FKBP5: variants seen among roughly 807,000 people sequenced by gnomAD.
The protein encoded by FKBP5 is peptidyl-prolyl cis-trans isomerase FKBP5.
In FKBP5, 23 loss-of-function variants were observed where a neutral mutation model predicts 50.5. That is an observed-to-expected ratio of 0.46 (90% CI 0.33 to 0.65). The LOEUF (loss-of-function observed/expected upper bound fraction) is 0.65. FKBP5 is among the 30% of genes least tolerant of loss of function. The probability of loss-of-function intolerance (pLI) is 0.02; values close to 1 mark genes in which losing one functional copy is unlikely to be tolerated. For synonymous variants in FKBP5, 176 were observed against 190.6 expected (o/e 0.92, Z 0.63); for missense variants, 411 against 553.1 (o/e 0.74, Z 2.58).
chr6:35,704,277 A>G (rs1413385994), intron 2 of FKBP5, among the ~76,000 whole-genome samples: 1 of 152,216 alleles, frequency 6.6e-6, no homozygotes, highest in Admixed American at 6.5e-5. Flanking sequence ...CAAGTAATTG[A>G]GAGCCCAGAG....
At chr6:35,685,558 G>A (rs1233614472) in intron 1 of FKBP5, among the ~76,000 whole-genome samples, 2 of 152,126 alleles carry the variant, frequency 1.3e-5, no homozygotes, top group African/African-American at 4.8e-5. Context: ...TGTTAAACAT[G>A]AATTACAAAA....
At chr6:35,637,785 T>C (rs1383332137) in intron 2 of FKBP5, among the ~76,000 whole-genome samples, 1 of 152,142 alleles carries the variant, frequency 6.6e-6, no homozygotes, top group Non-Finnish European at 1.5e-5. Context: ...CACAGGCTTG[T>C]GAGCTAGTCC....
intron 1 of FKBP5, among the ~76,000 whole-genome samples, chr6:35,685,147 T>C (rs1024487017): frequency 3.9e-5 from 6 of 152,186 alleles, no homozygotes; most frequent in African/African-American, 1.2e-4. Context: ...TTATTTTGAG[T>C]AGTGGAATTT....
chr6:35,721,277 G>A (rs1226757598), intron 1 of FKBP5, among the ~76,000 whole-genome samples: 1 of 151,804 alleles, frequency 6.6e-6, no homozygotes, highest in Non-Finnish European at 1.5e-5. Flanking sequence ...GCTTGAACTC[G>A]AGAGGTGGAG....
intron 5 of FKBP5, among the ~76,000 whole-genome samples, chr6:35,616,776 A>G (rs2150975838): frequency 6.6e-6 from 1 of 152,292 alleles, no homozygotes; most frequent in South Asian, 2.1e-4. Context: ...TACTGAATCT[A>G]GGGTGTGCCT....
chr6:35,581,253 TATATAA>T (rs1027751310), intron 8 of FKBP5: 29 of 603,460 alleles, frequency 4.8e-5, no homozygotes, highest in African/African-American at 3.4e-4. Flanking sequence ...ATATATAATA[TATATAA>T]ATATAAACAT....
intron 7 of FKBP5, 43 bp from the exon 8 acceptor site, chr6:35,587,160 A>G (rs1291079334): frequency 1.3e-6 from 2 of 1,567,934 alleles, no homozygotes; most frequent in Non-Finnish European, 1.8e-6. Flanking sequence ...ACAGAGAGAA[A>G]AGCATCAGTT....
chr6:35,674,494 C>T (rs1765476638), intron 1 of FKBP5, among the ~76,000 whole-genome samples: 1 of 152,170 alleles, frequency 6.6e-6, no homozygotes, highest in African/African-American at 2.4e-5. Flanking sequence ...AACAAGCTAT[C>T]CCTCTAACCA....
At chr6:35,642,959 G>T in intron 1 of FKBP5, 116 bp from the exon 2 acceptor site, 1 of 678,808 alleles carries the variant, frequency 1.5e-6, no homozygotes. Flanking sequence ...AATAAGCTTA[G>T]ATACTGAAAA....
chr6:35,652,651 T>A (rs923472132), intron 1 of FKBP5, among the ~76,000 whole-genome samples: 3 of 152,208 alleles, frequency 2.0e-5, no homozygotes, highest in African/African-American at 7.2e-5. Context: ...TAAGATGTTA[T>A]CAATGACAAT....
intron 8 of FKBP5, chr6:35,583,932 T>G: frequency 1.0e-6 from 1 of 985,410 alleles, no homozygotes; most frequent in Non-Finnish European, 1.2e-6. Context: ...CTGAAGAGTT[T>G]AGAGGTTGAA....
In FKBP5 at chr6:35,619,133, C is replaced by G; in HGVS notation, c.471G>C (p.Glu157Asp). The change falls in exon 5 of 11, where the codon GAG becomes GAC. Residue 157 changes from glutamate to aspartate, a missense_variant. Physicochemically the swap from Glu to Asp is conservative, Grantham distance 45 (BLOSUM62 2). This residue lies in a region of FKBP5 where 267 missense variants were observed against 405.9 expected (regional missense o/e 0.66). Transcript: ENST00000357266. ...GIIRRTKRKG[E>D]GYSNPNEGAT... is the part of the protein sequence containing the mutation. Reference sequence around the variant, plus strand: ...CTCCTTCGTTTGGATTTGAATATCCCTCTCCTTTCCGTTTGGTTCTCCGGA... The same window carrying G: ...CTCCTTCGTTTGGATTTGAATATCCGTCTCCTTTCCGTTTGGTTCTCCGGA... The G allele has an allele frequency of 6.2e-7, 1 of 1,613,772 alleles. No individual in the cohort carries two copies. Among genetic ancestry groups the G allele is most frequent in the East Asian group, 2.2e-5 (1 of 44,878 alleles).
intron 5 of FKBP5, among the ~76,000 whole-genome samples, chr6:35,605,383 CTTTTT>C (rs1158530509): frequency 0.043 from 2,227 of 52,056 alleles, 12 homozygotes; most frequent in Middle Eastern, 0.12. Flanking sequence ...ATGACAATAT[CTTTTT>C]TTTTTTTTTT....
intron 1 of FKBP5, among the ~76,000 whole-genome samples, chr6:35,664,289 G>GA (rs1561883730): frequency 6.7e-6 from 1 of 148,236 alleles, no homozygotes; most frequent in Non-Finnish European, 1.5e-5. Context: ...AAAATTAGCT[G>GA]TTTTTTTTTT....
At chr6:35,609,536 TACC>T (rs1763429014) in intron 5 of FKBP5, among the ~76,000 whole-genome samples, 1 of 152,222 alleles carries the variant, frequency 6.6e-6, no homozygotes, top group Admixed American at 6.5e-5. Flanking sequence ...TCCTCCTGGG[TACC>T]ACTATCAACT....
chr6:35,674,447 C>T (rs773701087), intron 1 of FKBP5, among the ~76,000 whole-genome samples: 5 of 152,158 alleles, frequency 3.3e-5, no homozygotes, highest in South Asian at 2.1e-4. Flanking sequence ...CTTACCTATT[C>T]ATAACTGTGC....
At chr6:35,585,226 C>T (rs1043488285) in intron 8 of FKBP5, 14 of 976,798 alleles carry the variant, frequency 1.4e-5, no homozygotes, top group African/African-American at 1.4e-4. Flanking sequence ...TTATGGACTT[C>T]GGAAATATAG....
At chr6:35,657,132 G>A (rs1028935644) in intron 1 of FKBP5, among the ~76,000 whole-genome samples, 33 of 144,934 alleles carry the variant, frequency 2.3e-4, no homozygotes, top group Non-Finnish European at 3.2e-4. Context: ...GAAGAATGGC[G>A]TGAACCCGGG....
chr6:35,637,480 T>C (rs1266520131), intron 2 of FKBP5, among the ~76,000 whole-genome samples: 15 of 138,496 alleles, frequency 1.1e-4, no homozygotes, highest in Admixed American at 1.1e-3. Context: ...TTTTTTTTTT[T>C]TGAGACGGAG....
Sources: allele counts gnomAD v4.1 joint callset (sites outside exome capture counted in the v4.1 genomes callset), GRCh38; gene constraint gnomAD v4.1.1; regional missense constraint gnomAD v4.1.1; transcripts MANE v1.5; gene names NCBI Gene and HGNC (gene_info 2026-07-23, HGNC 2026-07-21).